The following DISC1 variants were observed in gnomAD, a reference collection of about 807,000 sequenced individuals.
The protein encoded by DISC1 is disrupted in schizophrenia 1 protein.
DISC1 carries 57 observed loss-of-function variants against 84.5 expected under a neutral mutation model. The observed-to-expected ratio is 0.67, with a 90% CI of 0.55 to 0.84. The LOEUF is 0.84. DISC1 is among the 40% of genes least tolerant of loss of function. The pLI is 0.00. For synonymous variants in DISC1, 411 were observed against 415.2 expected (o/e 0.99, Z 0.12); for missense variants, 1,000 against 1,057.8 (o/e 0.95, Z 0.76).
chr1:231,906,914 G>A lies in DISC1; in HGVS notation c.1982-51914G>A, dbSNP rs141763970. 2.6e-5 allele frequency among the ~76,000 whole-genome samples: 4 copies of A among 152,056 alleles called. No homozygotes were observed. The East Asian group carries it at 5.8e-4, about 22-fold the overall frequency. ...ATAACTACATTACAAATTTTGTCTC[G>A]ATGTGGTTTTTAAGCCTAAAGAATC... is the stretch of plus-strand genomic sequence containing the variant. On this transcript the variant is annotated intron_variant, in intron 9 of 12. Transcript: ENST00000439617.
intron 9 of DISC1, 56 bp downstream of exon 9, chr1:231,818,573 G>C: frequency 6.2e-7 from 1 of 1,607,938 alleles, no homozygotes; most frequent in South Asian, 1.1e-5. Context: ...GTTGTGTTTT[G>C]TGGCCAGGCA....
At chr1:231,723,278 A>G (rs868867555) in intron 3 of DISC1, 401 of 984,972 alleles carry the variant, frequency 4.1e-4, no homozygotes, top group Middle Eastern at 5.2e-4. Flanking sequence ...GTAGACTCAC[A>G]TGTTAAAACC....
At chr1:231,786,299 A>T (rs891115843) in intron 6 of DISC1, among the ~76,000 whole-genome samples, 3 of 152,242 alleles carry the variant, frequency 2.0e-5, no homozygotes, top group African/African-American at 7.2e-5. Flanking sequence ...AACTGAGAAG[A>T]TGGAGCCCCA....
intron 5 of DISC1, among the ~76,000 whole-genome samples, chr1:231,770,028 G>A (rs1413748265): frequency 6.6e-6 from 1 of 152,072 alleles, no homozygotes; most frequent in East Asian, 1.9e-4. Context: ...GATGCACCTC[G>A]GGGCTGAGAG....
In DISC1 at chr1:232,012,290, T is replaced by C. The variant is rs186620310; in HGVS notation, c.2307+3241T>C. 3.8e-4 allele frequency among the ~76,000 whole-genome samples: 58 copies of C among 152,294 alleles called. 1 individual carries two copies. In the Middle Eastern group the frequency reaches 0.014, roughly 36 times the overall value. The stretch of plus-strand genomic sequence containing the variant: ...CTCACTTTTTGTCAAGAAGTAGACA[T>C]GAGCAATGAGTTAGTGGAAGATACC... On this transcript the variant is annotated intron_variant, in intron 11 of 12. Transcript: ENST00000439617.
intron 10 of DISC1, among the ~76,000 whole-genome samples, chr1:232,006,837 A>G (rs1572608334): frequency 6.6e-6 from 1 of 152,178 alleles, no homozygotes; most frequent in Non-Finnish European, 1.5e-5. Flanking sequence ...AGCCCCTCCC[A>G]TTACAGGCCT....
At chr1:231,820,243 CA>C (rs1350273724) in intron 9 of DISC1, among the ~76,000 whole-genome samples, 1 of 152,072 alleles carries the variant, frequency 6.6e-6, no homozygotes, top group Non-Finnish European at 1.5e-5. Flanking sequence ...GTGTGGGAAA[CA>C]AATAAATAAT....
intron 3 of DISC1, among the ~76,000 whole-genome samples, chr1:231,745,722 A>G (rs901912004): frequency 1.1e-4 from 17 of 152,080 alleles, no homozygotes; most frequent in African/African-American, 4.1e-4. Context: ...CTCAGCCTCT[A>G]ATATCCTCTA....
At chr1:231,694,927 C>T (rs1050719194) in intron 2 of DISC1, 122 bp downstream of exon 2, 5 of 1,379,264 alleles carry the variant, frequency 3.6e-6, no homozygotes, top group East Asian at 5.0e-5. Context: ...TGCAGCAGCT[C>T]CTTTTGGAGC....
In DISC1 at chr1:231,966,035, G is replaced by A. The variant is rs191725732; in HGVS notation, c.2042+7147G>A. Among the ~76,000 whole-genome samples the A allele has an allele frequency of 8.3e-4, 127 of 152,300 alleles. 2 individuals are homozygous for A. The highest frequency in any genetic ancestry group is 2.6e-3 in the African/African-American group (106 of 41,560). On this transcript the variant is annotated intron_variant, in intron 10 of 12. Transcript: ENST00000439617. ...TTTCCTTGTATTCTAAGTGGTTGTCGTGCTGTTTGGCATGTAGTCAACAGA... is the reference window on the plus strand; with the variant it reads ...TTTCCTTGTATTCTAAGTGGTTGTCATGCTGTTTGGCATGTAGTCAACAGA...
chr1:231,650,966 A>AT (rs886485462), intron 1 of DISC1, among the ~76,000 whole-genome samples: 15 of 151,744 alleles, frequency 9.9e-5, no homozygotes, highest in African/African-American at 3.1e-4. Context: ...CATTTGTCTA[A>AT]TTTTTTTTCA....
At chr1:231,746,585 T>G (rs1221874614) in intron 3 of DISC1, among the ~76,000 whole-genome samples, 3 of 152,366 alleles carry the variant, frequency 2.0e-5, no homozygotes, top group East Asian at 1.9e-4. Context: ...TAAGAGTTCC[T>G]TTTTCTTCAC....
intron 1 of DISC1, among the ~76,000 whole-genome samples, chr1:231,683,037 T>C (rs1033260688): frequency 1.3e-5 from 2 of 152,180 alleles, no homozygotes; most frequent in Admixed American, 6.5e-5. Flanking sequence ...CATTGTCTAA[T>C]GGAAAGGGGA....
intron 9 of DISC1, among the ~76,000 whole-genome samples, chr1:231,844,555 G>T (rs572672059): frequency 2.6e-5 from 4 of 152,160 alleles, no homozygotes; most frequent in South Asian, 4.1e-4. Flanking sequence ...AAATACATTG[G>T]TTTGGTCCAG....
intron 12 of DISC1, among the ~76,000 whole-genome samples, chr1:232,036,453 T>G (rs909350714): frequency 6.6e-6 from 1 of 152,192 alleles, no homozygotes; most frequent in Admixed American, 6.5e-5. Flanking sequence ...TTCCATTTCC[T>G]TTTTAAGACC....
chr1:231,757,987 C>A (rs2075305452), intron 4 of DISC1, among the ~76,000 whole-genome samples: 1 of 151,300 alleles, frequency 6.6e-6, no homozygotes, highest in Non-Finnish European at 1.5e-5. Flanking sequence ...GTTCTCGGAA[C>A]CTGTGTGAGG....
chr1:231,989,366 T>TA (rs1221560293), intron 10 of DISC1, among the ~76,000 whole-genome samples: 1 of 152,210 alleles, frequency 6.6e-6, no homozygotes, highest in African/African-American at 2.4e-5. Context: ...GGCATAAAGA[T>TA]AACGCAATGC....
At chr1:231,990,269 A>G (rs1665026482) in intron 10 of DISC1, among the ~76,000 whole-genome samples, 1 of 152,004 alleles carries the variant, frequency 6.6e-6, no homozygotes, top group Non-Finnish European at 1.5e-5. Flanking sequence ...ACACCCTGTT[A>G]TAGATCAGAG....
chr1:231,726,896 G>A (rs778465210), intron 3 of DISC1, among the ~76,000 whole-genome samples: 1 of 152,112 alleles, frequency 6.6e-6, no homozygotes, highest in Non-Finnish European at 1.5e-5. Context: ...GACAAATAAG[G>A]GTCTGCAGTG....
Sources: gnomAD v4.1 joint callset for allele counts (sites outside exome capture counted in the v4.1 genomes callset) on GRCh38, gnomAD v4.1.1 for gene constraint, MANE v1.5 for transcripts, NCBI Gene and HGNC (gene_info 2026-07-23, HGNC 2026-07-21) for gene names.